Variants in CS observed in about 807,000 individuals in gnomAD.
The protein encoded by CS is citrate synthase, mitochondrial.
CS carries 13 observed loss-of-function variants against 61.4 expected under a neutral mutation model. The ratio of observed to expected loss-of-function variants is 0.21; its 90% CI spans 0.14 to 0.34. The LOEUF (loss-of-function observed/expected upper bound fraction) is 0.34. Among genes scored for constraint, CS ranks in the 10% least tolerant of loss-of-function variants. CS has a pLI of 1.00. For synonymous variants in CS, 159 were observed against 215.2 expected, an observed-to-expected ratio of 0.74 and a Z score of 2.29; for missense variants, 278 against 573.4, an observed-to-expected ratio of 0.48 and a Z score of 5.26.
intron 1 of CS, chr12:56,291,230 C>T (rs765064492): frequency 3.4e-6 from 4 of 1,162,810 alleles, no homozygotes; most frequent in African/African-American, 1.7e-5. Context: ...CATCAAGTGT[C>T]AGAACTTCCT....
rs141427550 is a variant in CS at position 56,287,938 on chromosome 12, G to GT, written c.43-1294dup. 6.8e-3 allele frequency among the ~76,000 whole-genome samples: 1,038 copies of GT among 152,250 alleles called. 3 individuals carry two copies. Among genetic ancestry groups the GT allele is most frequent in the Non-Finnish European group, 0.012 (814 of 68,014 alleles). Reference sequence around the variant, plus strand: ...CTCTCAAAGCACTGGGATTACAGGCGTAAGCCACCATGCCAGGCCATACAC... The same window carrying GT: ...CTCTCAAAGCACTGGGATTACAGGCGTTAAGCCACCATGCCAGGCCATACAC... On this transcript the variant is annotated intron_variant, in intron 1 of 10. Coordinates refer to ENST00000351328, the MANE Select transcript of CS (RefSeq NM_004077.3).
At chr12:56,286,666 C>T (rs1872948214) in intron 1 of CS, 21 bp from the exon 2 acceptor site, 3 of 1,609,898 alleles carry the variant, frequency 1.9e-6, no homozygotes, top group South Asian at 2.2e-5. Flanking sequence ...AAAAAGAGAA[C>T]CTTATGTAAC....
chr12:56,291,325 A>G, intron 1 of CS: 1 of 963,214 alleles, frequency 1.0e-6, no homozygotes, highest in Non-Finnish European at 1.2e-6. Flanking sequence ...TACAAAATAA[A>G]GTCCCAATTT....
rs1380212754 is a variant in CS, at chr12:56,272,381, C to T, written c.*703G>A. ...GGGGGAGGTCCAGAACATCCTCTGCCTGAGGTGCAACAGGTGTAGAAAGTC... is the reference window on the plus strand; with the variant it reads ...GGGGGAGGTCCAGAACATCCTCTGCTTGAGGTGCAACAGGTGTAGAAAGTC... On this transcript the variant is annotated 3_prime_UTR_variant, in exon 11 of 11. Transcript: ENST00000351328. 1 of 153,866 alleles carries T rather than the reference C, an allele frequency of 6.5e-6. No homozygotes were observed. Among genetic ancestry groups the T allele is most frequent in the Non-Finnish European group, 1.4e-5 (1 of 69,402 alleles). 9.5% of individuals were successfully genotyped at this position (153,866 alleles called of 1,614,324 possible).
At position 56,300,325 on chromosome 12, in the gene CS, T is replaced by A. The variant is rs1873452316; in HGVS notation, c.-124A>T. The A allele has an allele frequency of 9.1e-7, 1 of 1,097,518 alleles. No individual in the cohort carries two copies. The highest frequency in any genetic ancestry group is 1.3e-6 in the Non-Finnish European group (1 of 769,712). 68.0% of individuals were successfully genotyped at this position (1,097,518 alleles called of 1,614,324 possible). On this transcript the variant is annotated 5_prime_UTR_variant, in exon 1 of 11. Coordinates refer to ENST00000351328, the MANE Select transcript of CS (RefSeq NM_004077.3). ...GTTGACAAGGTTGAAAGGAGGCGGC[T>A]GAAGGAAAGAGTAGACGAACCGGCG... is the stretch of plus-strand genomic sequence containing the variant.
In CS at chr12:56,300,217, G is replaced by A; in HGVS notation, c.-16C>T. 1 of 1,557,878 alleles carries A rather than the reference G, an allele frequency of 6.4e-7. No individual in the cohort carries two copies. Among genetic ancestry groups the A allele is most frequent in the Non-Finnish European group, 8.7e-7 (1 of 1,153,202 alleles). The stretch of plus-strand genomic sequence containing the variant: ...GTAAAGCCATGGCGGGCGATCTCCG[G>A]GATCTGGTGGGGAGGTAAGAAAGGG... On this transcript the variant is annotated 5_prime_UTR_variant, in exon 1 of 11. Transcript: ENST00000351328.
chr12:56,274,936 C>A, intron 8 of CS, 58 bp from the exon 9 acceptor site: 1 of 1,608,264 alleles, frequency 6.2e-7, no homozygotes, highest in South Asian at 1.1e-5. Context: ...AAGAGAATGC[C>A]AAGATCAGAA....
chr12:56,289,005 A>G (rs1873031275), intron 1 of CS, among the ~76,000 whole-genome samples: 1 of 152,166 alleles, frequency 6.6e-6, no homozygotes, highest in South Asian at 2.1e-4. Context: ...GTAAATTCAG[A>G]GAGCATAGAC....
chr12:56,300,330 G>GA, upstream of CS: 7 of 1,049,496 alleles, frequency 6.7e-6, no homozygotes, highest in Non-Finnish European at 9.6e-6. Flanking sequence ...GCGGCTGAAG[G>GA]AAAGAGTAGA....
At chr12:56,296,288 C>T (rs1409466161) in intron 1 of CS, among the ~76,000 whole-genome samples, 3 of 152,112 alleles carry the variant, frequency 2.0e-5, no homozygotes, top group Admixed American at 2.0e-4. Flanking sequence ...TGGCAAAACA[C>T]TGTCTCCAAA....
At position 56,300,297 on chromosome 12, in the gene CS, C is replaced by A. The variant is rs374107668; in HGVS notation, c.-96G>T. 79 of 1,341,618 alleles carry A rather than the reference C, an allele frequency of 5.9e-5. No individual in the cohort carries two copies. Among genetic ancestry groups the A allele is most frequent in the East Asian group, 5.6e-4 (20 of 35,800 alleles). The allele number at this position is 1,341,618 out of a possible 1,614,324, so 83.1% of individuals were successfully genotyped here. A position where few individuals can be genotyped will look rare whatever the true frequency, so the allele number is the denominator to read the frequency against. ...GCCGCTGCACCAGAGGCCGCGCCGACGGGTTGACAAGGTTGAAAGGAGGCG... is the reference window on the plus strand; with the variant it reads ...GCCGCTGCACCAGAGGCCGCGCCGAAGGGTTGACAAGGTTGAAAGGAGGCG... On this transcript the variant is annotated 5_prime_UTR_variant, in exon 1 of 11. Coordinates refer to ENST00000351328, the MANE Select transcript of CS (RefSeq NM_004077.3).
chr12:56,284,604 A>T (rs1450645855), intron 3 of CS, among the ~76,000 whole-genome samples: 4 of 141,304 alleles, frequency 2.8e-5, no homozygotes, highest in Admixed American at 7.1e-5. Flanking sequence ...TTTTTTTTTT[A>T]AAGAAATGGG....
At chr12:56,293,879 T>C (rs1873211717) in intron 1 of CS, among the ~76,000 whole-genome samples, 1 of 152,124 alleles carries the variant, frequency 6.6e-6, no homozygotes, top group Non-Finnish European at 1.5e-5. Context: ...TAATAACCAG[T>C]AGGAAAAAAT....
At chr12:56,278,092 T>C (rs1872674686) in intron 6 of CS, among the ~76,000 whole-genome samples, 1 of 152,206 alleles carries the variant, frequency 6.6e-6, no homozygotes, top group African/African-American at 2.4e-5. Flanking sequence ...AGGTCACCCA[T>C]GTAGCCAAGA....
At chr12:56,287,476 T>C (rs1486195208) in intron 1 of CS, among the ~76,000 whole-genome samples, 1 of 61,332 alleles carries the variant, frequency 1.6e-5, no homozygotes, top group Non-Finnish European at 2.7e-5. Flanking sequence ...AGCAAGACTC[T>C]GTCAAAAAAA....
At chr12:56,277,737 T>C (rs1872665831) in intron 6 of CS, among the ~76,000 whole-genome samples, 2 of 150,062 alleles carry the variant, frequency 1.3e-5, no homozygotes, top group South Asian at 4.3e-4. Flanking sequence ...TTCACGCCAT[T>C]CTCCTGCCTC....
intron 4 of CS, among the ~76,000 whole-genome samples, 160 bp from the exon 5 acceptor site, chr12:56,283,151 C>T (rs1008607797): frequency 3.3e-5 from 5 of 152,156 alleles, no homozygotes; most frequent in African/African-American, 7.2e-5. Context: ...AGACTGGTCC[C>T]GATCTTCTGG....
At chr12:56,289,959 T>A (rs558782755) in intron 1 of CS, among the ~76,000 whole-genome samples, 10 of 151,950 alleles carry the variant, frequency 6.6e-5, no homozygotes, top group Non-Finnish European at 4.4e-5. Context: ...AGTGGCTTGA[T>A]CTTGGCTCAC....
At chr12:56,295,160 C>T (rs898101184) in intron 1 of CS, among the ~76,000 whole-genome samples, 6 of 151,728 alleles carry the variant, frequency 4.0e-5, no homozygotes, top group Admixed American at 2.0e-4. Context: ...CTACTGGGCT[C>T]AAGTGATCCT....
Sources: gnomAD v4.1 joint callset for allele counts (sites outside exome capture counted in the v4.1 genomes callset) on GRCh38, gnomAD v4.1.1 for gene constraint, MANE v1.5 for transcripts, NCBI Gene and HGNC (gene_info 2026-07-23, HGNC 2026-07-21) for gene names.